The following TAX1BP1 variants were observed in gnomAD, a reference collection of about 807,000 sequenced individuals.
TAX1BP1 encodes the protein Tax1 binding protein 1.
TAX1BP1 carries 62 observed loss-of-function variants against 97.7 expected under a neutral mutation model. That is an observed-to-expected ratio of 0.63 (90% CI 0.52 to 0.78). TAX1BP1 has a LOEUF of 0.78. Ranked by LOEUF, TAX1BP1 falls within the 30% of genes least tolerant of loss-of-function variation. The pLI is 0.00. For synonymous variants in TAX1BP1, 340 were observed against 304.2 expected (o/e 1.12, Z -1.23); for missense variants, 867 against 916.1 (o/e 0.95, Z 0.69).
intron 5 of TAX1BP1, among the ~76,000 whole-genome samples, chr7:27,770,071 T>A (rs536496118): frequency 2.4e-4 from 36 of 152,120 alleles, no homozygotes; most frequent in Non-Finnish European, 3.7e-4. Flanking sequence ...GTTGAGGTAG[T>A]CCCTGACAAC....
chr7:27,763,435 T>TA (rs1788504756), intron 3 of TAX1BP1, among the ~76,000 whole-genome samples: 1 of 152,198 alleles, frequency 6.6e-6, no homozygotes, highest in African/African-American at 2.4e-5. Flanking sequence ...CCATATTTTT[T>TA]AGCAGTTTAT....
intron 5 of TAX1BP1, among the ~76,000 whole-genome samples, chr7:27,782,065 C>G (rs1789278929): frequency 1.3e-5 from 2 of 152,080 alleles, no homozygotes; most frequent in South Asian, 2.1e-4. Context: ...ATAAATTAAC[C>G]TTAGCTCACT....
rs114528350 is a variant in TAX1BP1, at chr7:27,770,562, T to C, written c.612+728T>C. 7.2e-3 allele frequency among the ~76,000 whole-genome samples: 1,103 copies of C among 152,218 alleles called. 16 individuals are homozygous for C. The highest frequency in any genetic ancestry group is 0.025 in the African/African-American group (1,051 of 41,556). On this transcript the variant is annotated intron_variant, in intron 5 of 16. Coordinates refer to ENST00000396319, the MANE Select transcript of TAX1BP1 (RefSeq NM_006024.7). Reference sequence around the variant, plus strand: ...GGCATATTTATGCCCATTTACAGTATTGAGCTATTGTTTCCTGAGGGTGGG... The same window carrying C: ...GGCATATTTATGCCCATTTACAGTACTGAGCTATTGTTTCCTGAGGGTGGG...
At position 27,827,773 on chromosome 7, in the gene TAX1BP1, A is replaced by G. The variant is rs779244917; in HGVS notation, c.2121A>G (p.Pro707=). 6.2e-7 allele frequency: 1 copy of G among 1,614,010 alleles called. No individual in the cohort carries two copies. ...DENVPTAPDP[P]SQHLRGHGTG... is the part of the protein sequence containing the mutation. The stretch of plus-strand genomic sequence containing the variant: ...ATGTGCCTACTGCTCCTGATCCTCC[A>G]AGTCAACATTTACGTGGGCATGGGA... Residue 707 remains proline (P), a synonymous_variant, in exon 16 of 17, where the codon CCA becomes CCG. Transcript: ENST00000396319.
chr7:27,815,827 A>C (rs1790745581), intron 13 of TAX1BP1, among the ~76,000 whole-genome samples: 1 of 152,116 alleles, frequency 6.6e-6, no homozygotes, highest in Non-Finnish European at 1.5e-5. Context: ...AGAGGTCAGG[A>C]GTTCAAGACC....
At chr7:27,823,445 C>G (rs923440275) in intron 15 of TAX1BP1, among the ~76,000 whole-genome samples, 2 of 152,060 alleles carry the variant, frequency 1.3e-5, no homozygotes, top group African/African-American at 4.8e-5. Flanking sequence ...TTACTAATTC[C>G]TGAATGATAA....
At chr7:27,740,307 G>C (rs900096593) in intron 1 of TAX1BP1, 38 bp downstream of exon 1, 1 of 152,974 alleles carries the variant, frequency 6.5e-6, no homozygotes, top group African/African-American at 2.4e-5. Flanking sequence ...CGCCTTGTGC[G>C]GGGCGGCCTC....
chr7:27,762,978 A>G (rs1788483949), intron 3 of TAX1BP1, among the ~76,000 whole-genome samples: 1 of 152,194 alleles, frequency 6.6e-6, no homozygotes, highest in Non-Finnish European at 1.5e-5. Context: ...CTAAGCCTAA[A>G]TGCAATATGT....
At chr7:27,789,448 C>T (rs1288398658) in intron 8 of TAX1BP1, among the ~76,000 whole-genome samples, 1 of 151,820 alleles carries the variant, frequency 6.6e-6, no homozygotes, top group Admixed American at 6.6e-5. Context: ...TAAACATTTT[C>T]ATAAGTTTCT....
Position 27,816,942 on chromosome 7 carries a change from A to AG in TAX1BP1, c.1990dup (p.Val664GlyfsTer20). ...ATGAAATACAAAGGCCACCTGTCAG[A>AG]GTCCCCTCTTGGGGACTGGAAGACA... On this transcript the variant is annotated frameshift_variant, in exon 15 of 17. Coordinates refer to ENST00000396319, the MANE Select transcript of TAX1BP1 (RefSeq NM_006024.7). LOFTEE classifies it high-confidence loss of function. 6.2e-7 allele frequency: 1 copy of AG among 1,614,086 alleles called. No individual in the cohort carries two copies. The highest frequency in any genetic ancestry group is 8.5e-7 in the Non-Finnish European group (1 of 1,180,000).
rs575717752 is a variant in TAX1BP1 at position 27,763,637 on chromosome 7, G to A, written c.266-2197G>A. 5.9e-5 allele frequency among the ~76,000 whole-genome samples: 9 copies of A among 152,244 alleles called. No individual in the cohort carries two copies. In the South Asian group the frequency reaches 1.0e-3, roughly 18 times the overall value. On this transcript the variant is annotated intron_variant, in intron 3 of 16. Transcript: ENST00000396319. Reference sequence around the variant, plus strand: ...AAAAGAATTCGCTGGGCGTGATGGCGTGTGCCTGTAATTCCAGCTACTCGG... The same window carrying A: ...AAAAGAATTCGCTGGGCGTGATGGCATGTGCCTGTAATTCCAGCTACTCGG...
intron 7 of TAX1BP1, 135 bp from the exon 8 acceptor site, chr7:27,787,283 T>C (rs575667286): frequency 3.0e-6 from 2 of 676,852 alleles, no homozygotes; most frequent in Admixed American, 3.7e-5. Flanking sequence ...AGAACCTGGG[T>C]CTCCTAAATC....
intron 5 of TAX1BP1, among the ~76,000 whole-genome samples, chr7:27,783,129 T>G (rs1789328253): frequency 6.6e-6 from 1 of 152,170 alleles, no homozygotes; most frequent in African/African-American, 2.4e-5. Flanking sequence ...TTGCCCCAAT[T>G]TTTATGATTG....
At position 27,828,616 on chromosome 7, in the gene TAX1BP1, T is replaced by C. The variant is rs752908164; in HGVS notation, c.2169-12T>C. 1 of 1,612,216 alleles carries C rather than the reference T, an allele frequency of 6.2e-7. No homozygotes were observed. The highest frequency in any genetic ancestry group is 1.7e-5 in the Admixed American group (1 of 59,868). On this transcript the variant is annotated splice_polypyrimidine_tract_variant and intron_variant, in intron 16 of 16. Transcript: ENST00000396319. ...ATTAGAAACATGTAATTCTTTCATT[T>C]TTCTCTTTAAGCTTTGATGTTCACA...
chr7:27,764,329 A>G (rs1788538588), intron 3 of TAX1BP1, among the ~76,000 whole-genome samples: 1 of 152,132 alleles, frequency 6.6e-6, no homozygotes, highest in Admixed American at 6.5e-5. Flanking sequence ...CTTGTGAAGT[A>G]CTGTTAGCAT....
chr7:27,740,010 G>C (rs1034455748), upstream of TAX1BP1: 1 of 152,304 alleles, frequency 6.6e-6, no homozygotes, highest in Non-Finnish European at 1.5e-5. Flanking sequence ...GAGAGAGCCA[G>C]CCTACCCGCG....
chr7:27,773,890 C>A (rs1788934653), intron 5 of TAX1BP1, among the ~76,000 whole-genome samples: 1 of 151,864 alleles, frequency 6.6e-6, no homozygotes, highest in Non-Finnish European at 1.5e-5. Context: ...GTTAATTTAG[C>A]TTATAATTTT....
chr7:27,770,851 T>C (rs1378336775), intron 5 of TAX1BP1, among the ~76,000 whole-genome samples: 2 of 152,104 alleles, frequency 1.3e-5, no homozygotes, highest in Non-Finnish European at 2.9e-5. Context: ...CAAATCTCCT[T>C]ATAAATGTGA....
intron 13 of TAX1BP1, among the ~76,000 whole-genome samples, chr7:27,812,989 C>T (rs1790616058): frequency 6.6e-6 from 1 of 152,078 alleles, no homozygotes; most frequent in Non-Finnish European, 1.5e-5. Flanking sequence ...GACTGTGTGG[C>T]CTACAAAGGT....
Sources: gnomAD v4.1 joint callset for allele counts (sites outside exome capture counted in the v4.1 genomes callset) on GRCh38, gnomAD v4.1.1 for gene constraint, MANE v1.5 for transcripts, NCBI Gene and HGNC (gene_info 2026-07-23, HGNC 2026-07-21) for gene names.